Variants in DLG2 observed in about 807,000 individuals in gnomAD.
DLG2 encodes disks large homolog 2.
Under a neutral mutation model 132.5 loss-of-function variants are expected in DLG2, and 45 were observed. That is an observed-to-expected ratio of 0.34 (90% CI 0.27 to 0.44). The LOEUF (loss-of-function observed/expected upper bound fraction) is 0.44, where lower values mean the gene tolerates loss of function less well. DLG2 is among the 20% of genes least tolerant of loss of function. The pLI is 1.00. For missense variants in DLG2, 1,045 were observed against 1,196.9 expected, an observed-to-expected ratio of 0.87 and a Z score of 1.87; for synonymous variants, 424 against 419.6, an observed-to-expected ratio of 1.01 and a Z score of -0.13.
intron 9 of DLG2, among the ~76,000 whole-genome samples, chr11:84,103,607 G>T (rs1473208252): frequency 6.6e-6 from 1 of 152,026 alleles, no homozygotes; most frequent in Non-Finnish European, 1.5e-5. Context: ...TCTCTTAATT[G>T]TTCATATTTG....
In DLG2 at chr11:84,463,257, C is replaced by T. The variant is rs145089476; in HGVS notation, c.519+71313G>A. 2.8e-3 allele frequency among the ~76,000 whole-genome samples: 417 copies of T among 151,248 alleles called. 3 individuals are homozygous for T. Among genetic ancestry groups the T allele is most frequent in the African/African-American group, 9.3e-3 (385 of 41,404 alleles). On this transcript the variant is annotated intron_variant, in intron 7 of 27. Transcript: ENST00000376104. ...ACAGAGGCTTGTTTACTACAGTATT[C>T]CTCATGGGATGTATCCTCTGAGAAG...
chr11:84,461,308 C>A (rs1412061570), intron 7 of DLG2, among the ~76,000 whole-genome samples: 1 of 150,660 alleles, frequency 6.6e-6, no homozygotes, highest in Admixed American at 6.6e-5. Context: ...ATAAGATGGC[C>A]AATGAATGCC....
At chr11:85,255,120 G>A (rs1024314975) in intron 4 of DLG2, among the ~76,000 whole-genome samples, 1 of 151,842 alleles carries the variant, frequency 6.6e-6, no homozygotes, top group Non-Finnish European at 1.5e-5. Context: ...TGCTCTATAA[G>A]TCATCCACTC....
chr11:85,574,650 G>C (rs753307553), intron 3 of DLG2, among the ~76,000 whole-genome samples: 6 of 152,092 alleles, frequency 3.9e-5, no homozygotes, highest in Non-Finnish European at 7.4e-5. Flanking sequence ...GTGGTAATGA[G>C]TTACTGCAAG....
intron 7 of DLG2, among the ~76,000 whole-genome samples, chr11:84,490,236 A>T (rs2099161332): frequency 6.6e-6 from 1 of 152,132 alleles, no homozygotes. Flanking sequence ...ATTAAGTAAG[A>T]TTGTATTACT....
intron 6 of DLG2, chr11:84,800,549 A>T (rs544539191): frequency 1.3e-5 from 2 of 152,344 alleles, no homozygotes; most frequent in South Asian, 4.1e-4. Flanking sequence ...GCTGAAGCTA[A>T]AAACAATGTC....
chr11:84,416,197 G>C lies in DLG2; in HGVS notation c.519+118373C>G, dbSNP rs1393149506. Among the ~76,000 whole-genome samples, 3 of 145,146 alleles carry C rather than the reference G, an allele frequency of 2.1e-5. No individual in the cohort carries two copies. In the East Asian group the frequency reaches 5.8e-4, roughly 28 times the overall value. Reference sequence around the variant, plus strand: ...TCTATTTAGTTTCTTCACAAGATCTGTCAAAAATAAAGTCCACAATATTAC... The same window carrying C: ...TCTATTTAGTTTCTTCACAAGATCTCTCAAAAATAAAGTCCACAATATTAC... On this transcript the variant is annotated intron_variant, in intron 7 of 27. Transcript: ENST00000376104.
chr11:85,023,859 A>C (rs1384229048), intron 6 of DLG2, among the ~76,000 whole-genome samples: 1 of 152,124 alleles, frequency 6.6e-6, no homozygotes, highest in Admixed American at 6.5e-5. Flanking sequence ...GCATGTTAAG[A>C]ATTATTATGC....
chr11:83,499,157 A>T (rs1169003594), intron 21 of DLG2, among the ~76,000 whole-genome samples: 1 of 152,202 alleles, frequency 6.6e-6, no homozygotes, highest in Non-Finnish European at 1.5e-5. Context: ...CAATTCTCAC[A>T]AAGTTTTCTA....
At chr11:85,077,557 C>T (rs564154696) in intron 6 of DLG2, among the ~76,000 whole-genome samples, 1 of 151,752 alleles carries the variant, frequency 6.6e-6, no homozygotes, top group African/African-American at 2.4e-5. Context: ...AATTTAAATG[C>T]CAGTGAATGG....
chr11:83,843,230 C>T (rs1005377777), intron 16 of DLG2, among the ~76,000 whole-genome samples: 11 of 152,158 alleles, frequency 7.2e-5, no homozygotes, highest in Admixed American at 2.0e-4. Context: ...GGTTGTTCCT[C>T]CTTGTCTTTG....
Position 85,092,198 on chromosome 11 carries a change from G to A in DLG2, c.357+19463C>T, listed in dbSNP as rs139973686. 2.1e-3 allele frequency among the ~76,000 whole-genome samples: 327 copies of A among 152,166 alleles called. 2 individuals carry two copies. The highest frequency in any genetic ancestry group is 6.8e-3 in the Middle Eastern group (2 of 294). On this transcript the variant is annotated intron_variant, in intron 6 of 27. Transcript: ENST00000376104. Reference sequence around the variant, plus strand: ...GAGTGATTAGGTGCTTTATCAATAAGCAGTAATATTTTGAAAGAGATCTTT... The same window carrying A: ...GAGTGATTAGGTGCTTTATCAATAAACAGTAATATTTTGAAAGAGATCTTT...
intron 6 of DLG2, among the ~76,000 whole-genome samples, chr11:84,559,612 C>T (rs1419891026): frequency 1.3e-5 from 2 of 152,094 alleles, no homozygotes; most frequent in Non-Finnish European, 2.9e-5. Context: ...ACGAGAATCT[C>T]AGAGGAATTG....
intron 15 of DLG2, among the ~76,000 whole-genome samples, chr11:83,920,967 G>T (rs990219475): frequency 6.6e-6 from 1 of 152,064 alleles, no homozygotes; most frequent in Non-Finnish European, 1.5e-5. Flanking sequence ...CTCTGAAGCA[G>T]AATTCAATAC....
intron 3 of DLG2, among the ~76,000 whole-genome samples, chr11:85,355,803 G>A (rs1350580672): frequency 6.6e-6 from 1 of 152,142 alleles, no homozygotes; most frequent in East Asian, 1.9e-4. Flanking sequence ...ATGTGGCCCT[G>A]TTTGCTATCC....
At chr11:85,479,435 C>T (rs1329588841) in intron 3 of DLG2, among the ~76,000 whole-genome samples, 1 of 152,206 alleles carries the variant, frequency 6.6e-6, no homozygotes, top group African/African-American at 2.4e-5. Context: ...CCTCCAAATA[C>T]CGTCATATTG....
rs201220262 is a variant in DLG2 at position 84,259,511 on chromosome 11, G to A, written c.520-8220C>T. Among the ~76,000 whole-genome samples, 27 of 152,216 alleles carry A rather than the reference G, an allele frequency of 1.8e-4. No individual in the cohort carries two copies. The East Asian group carries it at 4.9e-3, about 27-fold the overall frequency. On this transcript the variant is annotated intron_variant, in intron 7 of 27. Transcript: ENST00000376104. ...CGCTGGACTTACTGAGACACGAACA[G>A]TGCTGAATAAACTATGTGAGTGCCT...
intron 17 of DLG2, among the ~76,000 whole-genome samples, chr11:83,799,965 G>A (rs1567009152): frequency 1.3e-5 from 2 of 152,186 alleles, no homozygotes; most frequent in South Asian, 2.1e-4. Flanking sequence ...ACATCACAGA[G>A]TTGCTGTAAG....
At chr11:84,578,998 C>T (rs937836275) in intron 6 of DLG2, among the ~76,000 whole-genome samples, 3 of 152,024 alleles carry the variant, frequency 2.0e-5, no homozygotes, top group African/African-American at 4.8e-5. Flanking sequence ...AAGGGATTTC[C>T]ACTTTTACTT....
Sources: gnomAD v4.1 joint callset for allele counts (sites outside exome capture counted in the v4.1 genomes callset) on GRCh38, gnomAD v4.1.1 for gene constraint, MANE v1.5 for transcripts, NCBI Gene and HGNC (gene_info 2026-07-23, HGNC 2026-07-21) for gene names.